USP33: variants seen among roughly 807,000 people sequenced by gnomAD.
USP33 encodes the protein ubiquitin specific peptidase 33.
In USP33, 46 loss-of-function variants were observed where a neutral mutation model predicts 124.2. The observed-to-expected ratio is 0.37, with a 90% confidence interval of 0.29 to 0.47. USP33 has a LOEUF of 0.47. Among genes scored for constraint, USP33 ranks in the 20% least tolerant of loss-of-function variants. The probability of loss-of-function intolerance (pLI) is 0.99; values close to 1 mark genes in which losing one functional copy is unlikely to be tolerated. For missense variants in USP33, 851 were observed against 1,070.6 expected (o/e 0.79, Z 2.86); for synonymous variants, 350 against 352.3 (o/e 0.99, Z 0.07).
intron 12 of USP33, among the ~76,000 whole-genome samples, chr1:77,722,736 T>C (rs946330611): frequency 2.0e-4 from 30 of 152,340 alleles, no homozygotes; most frequent in African/African-American, 5.3e-4. Flanking sequence ...ATTGAAATCT[T>C]CTTTTTGTTT....
At chr1:77,701,771 G>A (rs1256184023) in intron 21 of USP33, 2 of 196,846 alleles carry the variant, frequency 1.0e-5, no homozygotes, top group African/African-American at 4.7e-5. Flanking sequence ...CCAAGTTCAA[G>A]TGATTCTCCA....
intron 6 of USP33, among the ~76,000 whole-genome samples, chr1:77,735,613 G>C (rs1678349847): frequency 6.6e-6 from 1 of 152,124 alleles, no homozygotes; most frequent in Non-Finnish European, 1.5e-5. Context: ...ACTAAGAACA[G>C]TGGGCCTAAA....
At chr1:77,713,156 A>G (rs1308703149) in intron 20 of USP33, 44 bp downstream of exon 20, 41 of 1,521,828 alleles carry the variant, frequency 2.7e-5, no homozygotes, top group Non-Finnish European at 3.5e-5. Context: ...TAACCAGTTT[A>G]ACCGACTTTC....
At chr1:77,746,456 G>C (rs1679751514) in intron 1 of USP33, 1 of 152,170 alleles carries the variant, frequency 6.6e-6, no homozygotes, top group Admixed American at 6.5e-5. Flanking sequence ...GGTACAAAGA[G>C]GAGCTGGTAC....
chr1:77,705,070 C>T lies in USP33; in HGVS notation c.2407-3599G>A, dbSNP rs530956247. On this transcript the variant is annotated intron_variant, in intron 21 of 23. Transcript: ENST00000370794. ...TTAGCTTCCAATCCACTAAGGGCACCTATTTTTATATTCCAGTGTTATTTC... is the reference window on the plus strand; with the variant it reads ...TTAGCTTCCAATCCACTAAGGGCACTTATTTTTATATTCCAGTGTTATTTC... Among the ~76,000 whole-genome samples, 145 of 138,130 alleles carry T rather than the reference C, an allele frequency of 1.0e-3. 1 individual carries two copies. Among genetic ancestry groups the T allele is most frequent in the African/African-American group, 3.9e-3 (138 of 35,236 alleles). The allele number at this position is 138,130 out of a possible 152,430, so 90.6% of individuals were successfully genotyped here.
chr1:77,728,372 T>C lies in USP33; in HGVS notation c.1058A>G (p.Asp353Gly). 1 of 1,613,964 alleles carries C rather than the reference T, an allele frequency of 6.2e-7. No homozygotes were observed. The highest frequency in any genetic ancestry group is 1.1e-5 in the South Asian group (1 of 91,046). The stretch of plus-strand genomic sequence containing the variant: ...GACTGTTTCAGATATAGAGTCTCTA[T>C]CTTTATCAAATTCGCCTTCAGAATT... ...KVNSEGEFDK[D>G]RDSISETVDL... Residue 353 changes from aspartate to glycine, a missense_variant, in exon 10 of 24, where the codon GAT becomes GGT. Physicochemically the swap from Asp to Gly is moderately conservative, Grantham distance 94. This residue lies in a region of USP33 where 207 missense variants were observed against 200.9 expected (regional missense o/e 1.03). Coordinates refer to ENST00000370794, the MANE Select transcript of USP33 (RefSeq NM_201624.3).
rs6677753 is a variant in USP33, at chr1:77,700,563, A to G, written c.2509+806T>C. Reference sequence around the variant, plus strand: ...TTCAGGGCTGCAGTGAGCCATAATCATGCTGCTGTACTTAAACCTGGGCAA... The same window carrying G: ...TTCAGGGCTGCAGTGAGCCATAATCGTGCTGCTGTACTTAAACCTGGGCAA... On this transcript the variant is annotated intron_variant, in intron 22 of 23. Transcript: ENST00000370794. 7.1e-3 allele frequency among the ~76,000 whole-genome samples: 1,084 copies of G among 152,352 alleles called. 15 individuals are homozygous for G. Among genetic ancestry groups the G allele is most frequent in the African/African-American group, 0.024 (1,008 of 41,588 alleles).
At chr1:77,729,826 G>C in intron 9 of USP33, 34 bp downstream of exon 9, 1 of 1,597,690 alleles carries the variant, frequency 6.3e-7, no homozygotes, top group Non-Finnish European at 8.5e-7. Flanking sequence ...AATTTATTTA[G>C]ATTAAAATTA....
At chr1:77,704,439 T>G (rs1213570338) in intron 21 of USP33, among the ~76,000 whole-genome samples, 1 of 152,220 alleles carries the variant, frequency 6.6e-6, no homozygotes, top group Non-Finnish European at 1.5e-5. Context: ...AGGACTTACT[T>G]TATCTTTGGT....
intron 4 of USP33, among the ~76,000 whole-genome samples, 160 bp from the exon 5 acceptor site, chr1:77,739,577 C>G (rs1446479017): frequency 6.6e-6 from 1 of 152,128 alleles, no homozygotes; most frequent in Admixed American, 6.5e-5. Context: ...AGATAAACTT[C>G]TAAGGTATAA....
intron 11 of USP33, among the ~76,000 whole-genome samples, chr1:77,724,776 G>A (rs1429513209): frequency 3.9e-5 from 6 of 152,082 alleles, no homozygotes; most frequent in Non-Finnish European, 7.4e-5. Context: ...TGAGATATTA[G>A]GCCGGGCATG....
intron 10 of USP33, among the ~76,000 whole-genome samples, chr1:77,727,459 G>A (rs943301659): frequency 2.6e-5 from 4 of 152,182 alleles, no homozygotes; most frequent in African/African-American, 9.7e-5. Flanking sequence ...CACAAGATCA[G>A]TATAATTAAG....
chr1:77,728,253 T>C (rs763329444), intron 10 of USP33, 42 bp downstream of exon 10: 1 of 1,520,792 alleles, frequency 6.6e-7, no homozygotes. Context: ...TGTCTACAAA[T>C]GAAATACTAT....
chr1:77,714,831 T>G, intron 18 of USP33, 48 bp from the exon 19 acceptor site: 1 of 1,570,410 alleles, frequency 6.4e-7, no homozygotes, highest in Non-Finnish European at 8.6e-7. Context: ...TTTACTACAT[T>G]ACTAGTAGAT....
chr1:77,713,478 G>A, intron 19 of USP33, 197 bp from the exon 20 acceptor site: 2 of 482,504 alleles, frequency 4.1e-6, no homozygotes, highest in Non-Finnish European at 7.1e-6. Flanking sequence ...CAAAATTCCT[G>A]GGCTCAAGGC....
intron 5 of USP33, among the ~76,000 whole-genome samples, chr1:77,736,616 CT>C (rs761250766): frequency 1.6e-4 from 24 of 150,338 alleles, no homozygotes; most frequent in East Asian, 1.2e-3. Flanking sequence ...ACTTTGCACA[CT>C]TTTTTTTTTC....
chr1:77,697,815 A>C, intron 23 of USP33, 48 bp downstream of exon 23: 1 of 1,503,784 alleles, frequency 6.6e-7, no homozygotes, highest in Non-Finnish European at 9.1e-7. Flanking sequence ...TATTTCTAAC[A>C]GTGACAAATC....
intron 5 of USP33, among the ~76,000 whole-genome samples, chr1:77,736,434 C>T (rs1037434456): frequency 1.3e-5 from 2 of 152,120 alleles, no homozygotes; most frequent in Non-Finnish European, 2.9e-5. Flanking sequence ...TAAAACTCCA[C>T]AATAACTGCA....
intron 15 of USP33, chr1:77,720,685 GAA>G (rs1676470951): frequency 1.1e-6 from 1 of 878,990 alleles, no homozygotes; most frequent in South Asian, 5.2e-5. Context: ...TTACCACTAA[GAA>G]GCATTAAAAG....
Sources: gnomAD v4.1 joint callset for allele counts (sites outside exome capture counted in the v4.1 genomes callset) on GRCh38, gnomAD v4.1.1 for gene constraint, gnomAD v4.1.1 regional missense constraint, MANE v1.5 for transcripts, NCBI Gene and HGNC (gene_info 2026-07-23, HGNC 2026-07-21) for gene names.